The following FAM110C variants were observed in gnomAD, a reference collection of about 807,000 sequenced individuals.
FAM110C encodes family with sequence similarity 110 member C.
Under a neutral mutation model 15.7 loss-of-function variants are expected in FAM110C, and 19 were observed. The ratio of observed to expected loss-of-function variants is 1.21; its 90% CI spans 0.85 to 1.78. The LOEUF (loss-of-function observed/expected upper bound fraction) is 1.78. Among genes scored for constraint, FAM110C ranks in the 40% most tolerant of loss-of-function variants. FAM110C has a pLI of 0.00. For missense variants in FAM110C, 547 were observed against 495.7 expected (o/e 1.10, Z -0.98); for synonymous variants, 275 against 233.9 (o/e 1.18, Z -1.61).
At position 45,688 on chromosome 2, in the gene FAM110C, C is replaced by T. The variant is rs1664262883; in HGVS notation, c.698G>A (p.Gly233Glu). The change falls in exon 1 of 2, where the codon GGG becomes GAG. Residue 233 changes from glycine to glutamate, a missense_variant. By Grantham distance (98) the Gly-to-Glu change is moderately conservative. Transcript: ENST00000327669. Reference protein sequence around the residue: ...GLDPEVVEALGRENFTAGSDC... With the variant: ...GLDPEVVEALERENFTAGSDC... Reference sequence around the variant, plus strand: ...CGACCCCGCGGTGAAGTTCTCCCTCCCCAGGGCCTCCACCACCTCGGGGTC... The same window carrying T: ...CGACCCCGCGGTGAAGTTCTCCCTCTCCAGGGCCTCCACCACCTCGGGGTC... The T allele has an allele frequency of 1.2e-6, 2 of 1,605,020 alleles. No homozygotes were observed. The highest frequency in any genetic ancestry group is 1.3e-5 in the African/African-American group (1 of 74,790).
rs751904997 is a variant in FAM110C, at chr2:40,848, T to C, written c.*760A>G. The C allele has an allele frequency of 6.6e-6, 1 of 152,254 alleles. No homozygotes were observed. The highest frequency in any genetic ancestry group is 1.5e-5 in the Non-Finnish European group (1 of 68,042). 9.4% of individuals were successfully genotyped at this position (152,254 alleles called of 1,614,324 possible). A position where few individuals can be genotyped will look rare whatever the true frequency, so the allele number is the denominator to read the frequency against. ...AAAGGAAACTCCAAGATTCTTCCGC[T>C]AACTCTCCAGAAACTGTCCAGTTGC... On this transcript the variant is annotated 3_prime_UTR_variant, in exon 2 of 2. Coordinates refer to ENST00000327669, the MANE Select transcript of FAM110C (RefSeq NM_001077710.3).
intron 1 of FAM110C, chr2:44,978 G>A (rs1664234964): frequency 4.1e-6 from 4 of 985,362 alleles, no homozygotes; most frequent in African/African-American, 3.5e-5. Flanking sequence ...CGCCTACCTA[G>A]GGCTGCAGGT....
Position 46,439 on chromosome 2 carries a change from G to A in FAM110C, c.-54C>T. The A allele has an allele frequency of 8.1e-7, 1 of 1,232,052 alleles. No homozygotes were observed. Among genetic ancestry groups the A allele is most frequent in the Non-Finnish European group, 1.0e-6 (1 of 977,384 alleles). 76.3% of individuals were successfully genotyped at this position (1,232,052 alleles called of 1,614,324 possible). A position where few individuals can be genotyped will look rare whatever the true frequency, so the allele number is the denominator to read the frequency against. Reference sequence around the variant, plus strand: ...CCGGGTCCAGCGGAGACGCGCTCGAGTGGTAGAGCCAGTCAGTCCCAGGGC... The same window carrying A: ...CCGGGTCCAGCGGAGACGCGCTCGAATGGTAGAGCCAGTCAGTCCCAGGGC... On this transcript the variant is annotated 5_prime_UTR_variant, in exon 1 of 2. Coordinates refer to ENST00000327669, the MANE Select transcript of FAM110C (RefSeq NM_001077710.3).
Position 41,419 on chromosome 2 carries a change from A to T in FAM110C, c.*189T>A. ...GACACCTCTTGGAGTTTCAGCTGTT[A>T]CAACTCAGCTAAATTTCAAGGTCTG... On this transcript the variant is annotated 3_prime_UTR_variant, in exon 2 of 2. Transcript: ENST00000327669. 1.8e-6 allele frequency: 1 copy of T among 543,062 alleles called. No individual in the cohort carries two copies. The highest frequency in any genetic ancestry group is 3.1e-6 in the Non-Finnish European group (1 of 323,664). The allele number at this position is 543,062 out of a possible 1,614,324, so 33.6% of individuals were successfully genotyped here. A position where few individuals can be genotyped will look rare whatever the true frequency, so the allele number is the denominator to read the frequency against.
intron 1 of FAM110C, chr2:44,758 AT>A (rs1664230113): frequency 1.0e-6 from 1 of 985,330 alleles, no homozygotes; most frequent in African/African-American, 1.7e-5. Context: ...CAAATAAACT[AT>A]AGACTCTAGT....
At position 41,626 on chromosome 2, in the gene FAM110C, T is replaced by C; in HGVS notation, c.948A>G (p.Gly316=). ...TPSQEQSRTR[G]SKPSR is the part of the protein sequence containing the mutation. ...GTCTTCATCATCGGGAAGGTTTGCT[T>C]CCTGAGGAGTTAAAGAAAAAATAGT... The change falls in exon 2 of 2, where the codon GGA becomes GGG. Residue 316 remains glycine, a splice_region_variant and synonymous_variant. Coordinates refer to ENST00000327669, the MANE Select transcript of FAM110C (RefSeq NM_001077710.3). The C allele has an allele frequency of 6.2e-7, 1 of 1,613,504 alleles. No homozygotes were observed. The highest frequency in any genetic ancestry group is 1.7e-5 in the Admixed American group (1 of 59,876).
rs139194606 is a variant in FAM110C, at chr2:40,286, A to T, written c.*1322T>A. The T allele has an allele frequency of 2.7e-3, 410 of 152,362 alleles. No homozygotes were observed. The highest frequency in any genetic ancestry group is 9.2e-3 in the African/African-American group (383 of 41,584). 9.4% of individuals were successfully genotyped at this position (152,362 alleles called of 1,614,324 possible). ...ACTCTCACGGTAAAATAGTTACGAA[A>T]AAAGAATACAATATTAACCAAAACT... On this transcript the variant is annotated 3_prime_UTR_variant, in exon 2 of 2. Coordinates refer to ENST00000327669, the MANE Select transcript of FAM110C (RefSeq NM_001077710.3).
At chr2:45,199 C>A (rs750034564) in intron 1 of FAM110C, 25 of 985,308 alleles carry the variant, frequency 2.5e-5, no homozygotes, top group Non-Finnish European at 2.9e-5. Context: ...GGCAGCCAGA[C>A]GCAGCAGACT....
chr2:42,112 G>T (rs1271754801), intron 1 of FAM110C: 1 of 985,270 alleles, frequency 1.0e-6, no homozygotes. Context: ...CAAGCCACGT[G>T]TTTACCTAAA....
Position 39,065 on chromosome 2 carries a change from G to C in FAM110C, c.*2543C>G, listed in dbSNP as rs962525452. 1.3e-5 allele frequency: 2 copies of C among 152,098 alleles called. No homozygotes were observed. The highest frequency in any genetic ancestry group is 2.9e-5 in the Non-Finnish European group (2 of 68,014). The allele number at this position is 152,098 out of a possible 1,614,324, so 9.4% of individuals were successfully genotyped here. A position where few individuals can be genotyped will look rare whatever the true frequency, so the allele number is the denominator to read the frequency against. Reference sequence around the variant, plus strand: ...CCAGTAGTTTAAAACATTCTATTATGTTTAATTACATTTTGAAAAATTGTC... The same window carrying C: ...CCAGTAGTTTAAAACATTCTATTATCTTTAATTACATTTTGAAAAATTGTC... On this transcript the variant is annotated 3_prime_UTR_variant, in exon 2 of 2. Coordinates refer to ENST00000327669, the MANE Select transcript of FAM110C (RefSeq NM_001077710.3).
intron 1 of FAM110C, 39 bp from the exon 2 acceptor site, chr2:41,666 C>T: frequency 6.2e-7 from 1 of 1,612,702 alleles, no homozygotes; most frequent in Non-Finnish European, 8.5e-7. Context: ...CAACTCCAGT[C>T]TAGACAAAAG....
At position 46,044 on chromosome 2, in the gene FAM110C, G is replaced by A. The variant is rs369284985; in HGVS notation, c.342C>T (p.Gly114=). Residue 114 remains glycine (G), a synonymous_variant, in exon 1 of 2, where the codon GGC becomes GGT. Transcript: ENST00000327669. The part of the protein sequence containing the change: ...RQKCEFVRGS[G]ADGPRASLVK... ...CCAGGCTTGCCCTGGGGCCGTCGGC[G>A]CCCGATCCTCGCACGAATTCGCATT... The A allele has an allele frequency of 1.3e-5, 19 of 1,516,596 alleles. No individual in the cohort carries two copies. The highest frequency in any genetic ancestry group is 1.7e-5 in the Non-Finnish European group (19 of 1,138,428). The allele number at this position is 1,516,596 out of a possible 1,614,324, so 93.9% of individuals were successfully genotyped here. A position where few individuals can be genotyped will look rare whatever the true frequency, so the allele number is the denominator to read the frequency against.
intron 1 of FAM110C, chr2:44,968 C>T: frequency 1.0e-6 from 1 of 985,386 alleles, no homozygotes; most frequent in Non-Finnish European, 1.2e-6. Context: ...AACACAGCAG[C>T]GCCTACCTAG....
In FAM110C at chr2:46,187, C is replaced by T; in HGVS notation, c.199G>A (p.Ala67Thr). Residue 67 changes from alanine to threonine, a missense_variant, in exon 1 of 2, where the codon GCG becomes ACG. Ala to Thr is a moderately conservative substitution (Grantham distance 58). Transcript: ENST00000327669. The part of the protein sequence containing the change: ...GVASEGSGPG[A>T]IKCPGNDPGP... The stretch of plus-strand genomic sequence containing the variant: ...GGGTCGTTCCCCGGGCACTTGATCG[C>T]CCCCGGGCCGCTGCCCTCGGAAGCG... 1 of 1,386,184 alleles carries T rather than the reference C, an allele frequency of 7.2e-7. No individual in the cohort carries two copies. The highest frequency in any genetic ancestry group is 1.7e-5 in the South Asian group (1 of 60,580). 85.9% of individuals were successfully genotyped at this position (1,386,184 alleles called of 1,614,324 possible).
At chr2:41,748 T>A in intron 1 of FAM110C, 121 bp from the exon 2 acceptor site, 2 of 1,390,892 alleles carry the variant, frequency 1.4e-6, no homozygotes, top group Non-Finnish European at 1.9e-6. Flanking sequence ...TTCTCTGCAT[T>A]TTGAAACATC....
At chr2:43,345 T>C (rs1664178619) in intron 1 of FAM110C, 1 of 985,260 alleles carries the variant, frequency 1.0e-6, no homozygotes, top group South Asian at 4.7e-5. Flanking sequence ...TGCCATTGTC[T>C]CCAGTCTGGA....
chr2:46,432 C>A lies in FAM110C; in HGVS notation c.-47G>T. On this transcript the variant is annotated 5_prime_UTR_variant, in exon 1 of 2. Coordinates refer to ENST00000327669, the MANE Select transcript of FAM110C (RefSeq NM_001077710.3). Reference sequence around the variant, plus strand: ...CGGGGTTCCGGGTCCAGCGGAGACGCGCTCGAGTGGTAGAGCCAGTCAGTC... The same window carrying A: ...CGGGGTTCCGGGTCCAGCGGAGACGAGCTCGAGTGGTAGAGCCAGTCAGTC... 2.4e-6 allele frequency: 3 copies of A among 1,239,958 alleles called. No homozygotes were observed. Among genetic ancestry groups the A allele is most frequent in the Non-Finnish European group, 3.0e-6 (3 of 985,472 alleles). 76.8% of individuals were successfully genotyped at this position (1,239,958 alleles called of 1,614,324 possible).
rs1382757172 is a variant in FAM110C, at chr2:42,318, CCGAA to C, written c.947-695_947-692del. Reference sequence around the variant, plus strand: ...AATGTGAAGATAGCTGTGGAATTGTCCGAACATTTTTGCCTTGAAATTAAGCAAT... The same window carrying C: ...AATGTGAAGATAGCTGTGGAATTGTCCATTTTTGCCTTGAAATTAAGCAAT... On this transcript the variant is annotated intron_variant, in intron 1 of 1. Coordinates refer to ENST00000327669, the MANE Select transcript of FAM110C (RefSeq NM_001077710.3). 19 of 985,194 alleles carry C rather than the reference CCGAA, an allele frequency of 1.9e-5. No homozygotes were observed. In the African/African-American group the frequency reaches 3.1e-4, roughly 16 times the overall value. The allele number at this position is 985,194 out of a possible 1,614,324, so 61.0% of individuals were successfully genotyped here.
chr2:46,324 G>A lies in FAM110C; in HGVS notation c.62C>T (p.Ala21Val). 3 of 1,325,992 alleles carry A rather than the reference G, an allele frequency of 2.3e-6. No individual in the cohort carries two copies. The South Asian group carries it at 6.3e-5, about 28-fold the overall frequency. 82.1% of individuals were successfully genotyped at this position (1,325,992 alleles called of 1,614,324 possible). The change falls in exon 1 of 2, where the codon GCG becomes GTG. Residue 21 changes from alanine to valine, a missense_variant. Ala to Val is a moderately conservative substitution (Grantham distance 64). Transcript: ENST00000327669. ...CGCGGCGTCGGGGTCCCGGGTAGCC[G>A]CGGGGTCCCGGGGAAGGAGCCGCTC... ...PNERLLPRDP[A>V]ATRDPDAARP...
Sources: gnomAD v4.1 joint callset for allele counts on GRCh38, gnomAD v4.1.1 for gene constraint, MANE v1.5 for transcripts, NCBI Gene and HGNC (gene_info 2026-07-23, HGNC 2026-07-21) for gene names.